NACC2: variants seen among roughly 807,000 people sequenced by gnomAD.
NACC2 encodes the protein NACC family member 2, also known as nucleus accumbens-associated protein 2.
A neutral mutation model predicts 25.1 loss-of-function variants in NACC2; 8 were observed. The ratio of observed to expected loss-of-function variants is 0.32; its 90% CI spans 0.19 to 0.57. NACC2 has a LOEUF of 0.57. NACC2 is among the 20% of genes least tolerant of loss of function. The pLI, the probability that NACC2 is intolerant of heterozygous loss-of-function variation, is 0.89. For missense variants in NACC2, 644 were observed against 650.2 expected, an observed-to-expected ratio of 0.99 and a Z score of 0.10; for synonymous variants, 435 against 294.7, an observed-to-expected ratio of 1.48 and a Z score of -4.88.
rs988855073 is a variant in NACC2, at chr9:136,016,132, G to A, written c.1051+133C>T. 3.2e-6 allele frequency: 3 copies of A among 938,078 alleles called. No homozygotes were observed. In the African/African-American group the frequency reaches 5.0e-5, roughly 16 times the overall value. The allele number at this position is 938,078 out of a possible 1,614,324, so 58.1% of individuals were successfully genotyped here. A position where few individuals can be genotyped will look rare whatever the true frequency, so the allele number is the denominator to read the frequency against. ...TCTTAATGACACATTCTTCTAAAAG[G>A]AAATTAGAGGAAATTTAAGATTTTT... is the stretch of plus-strand genomic sequence containing the variant. On this transcript the variant is annotated intron_variant, in intron 3 of 5. Coordinates refer to ENST00000277554, the MANE Select transcript of NACC2 (RefSeq NM_144653.5).
chr9:136,045,090 G>A (rs1451577653), intron 2 of NACC2, among the ~76,000 whole-genome samples: 1 of 152,234 alleles, frequency 6.6e-6, no homozygotes, highest in Non-Finnish European at 1.5e-5. Context: ...GGCTGGATGG[G>A]AGGGTCTCCT....
intron 1 of NACC2, among the ~76,000 whole-genome samples, chr9:136,054,692 G>C (rs896569866): frequency 6.6e-6 from 1 of 151,840 alleles, no homozygotes; most frequent in Admixed American, 6.6e-5. Flanking sequence ...ATTCTCCAGT[G>C]ACTCAGTTTC....
intron 2 of NACC2, among the ~76,000 whole-genome samples, chr9:136,023,790 C>T (rs1333874161): frequency 6.6e-6 from 1 of 152,246 alleles, no homozygotes; most frequent in Non-Finnish European, 1.5e-5. Flanking sequence ...CCTATCACAG[C>T]ACATGGCACG....
intron 1 of NACC2, among the ~76,000 whole-genome samples, chr9:136,052,824 G>A (rs892079749): frequency 6.6e-6 from 1 of 152,244 alleles, no homozygotes. Context: ...TGCAGCGTCT[G>A]GCTGTTATTG....
At chr9:136,033,894 G>GGTGTGTGTGTGT (rs57460855) in intron 2 of NACC2, among the ~76,000 whole-genome samples, 10 of 137,030 alleles carry the variant, frequency 7.3e-5, no homozygotes, top group East Asian at 6.4e-4. Context: ...AATTCCAGCA[G>GGTGTGTGTGTGT]GTGTGTGTGT....
intron 2 of NACC2, among the ~76,000 whole-genome samples, chr9:136,049,137 G>C (rs569806719): frequency 0.097 from 14,712 of 152,314 alleles, 784 homozygotes; most frequent in East Asian, 0.14. Flanking sequence ...AAGGAACGGA[G>C]AGGAGGGGGA....
chr9:136,092,821 C>T (rs1157223391), intron 1 of NACC2, among the ~76,000 whole-genome samples: 1 of 152,192 alleles, frequency 6.6e-6, no homozygotes, highest in Non-Finnish European at 1.5e-5. Context: ...CACCTGCTGC[C>T]CCCCTGTGGA....
chr9:136,060,302 C>G (rs1324692852), intron 1 of NACC2, among the ~76,000 whole-genome samples: 1 of 152,244 alleles, frequency 6.6e-6, no homozygotes, highest in Non-Finnish European at 1.5e-5. Context: ...GGTGGGGAGG[C>G]CTGCACTTGG....
intron 1 of NACC2, among the ~76,000 whole-genome samples, chr9:136,078,756 C>T (rs1263661972): frequency 6.6e-6 from 1 of 152,246 alleles, no homozygotes; most frequent in Non-Finnish European, 1.5e-5. Context: ...GCTGTCATCA[C>T]GAGTGTGGCA....
rs1309381458 is a variant in NACC2 at position 136,094,084 on chromosome 9, G to A, written c.-60+1105C>T. On this transcript the variant is annotated intron_variant, in intron 1 of 5. Transcript: ENST00000277554. ...CACGCGCTCCCGGAGGCAGCTCCACGGGATGGGAGTCCGGGCTGCCTTGGG... is the reference window on the plus strand; with the variant it reads ...CACGCGCTCCCGGAGGCAGCTCCACAGGATGGGAGTCCGGGCTGCCTTGGG... 2.6e-5 allele frequency among the ~76,000 whole-genome samples: 4 copies of A among 152,236 alleles called. No homozygotes were observed. In the East Asian group the frequency reaches 5.8e-4, roughly 22 times the overall value.
chr9:136,044,822 T>C (rs1840696120), intron 2 of NACC2, among the ~76,000 whole-genome samples: 1 of 152,176 alleles, frequency 6.6e-6, no homozygotes. Context: ...GGTGAGTGGC[T>C]GCAACGGAGA....
chr9:136,012,243 C>T (rs929700518), intron 5 of NACC2, among the ~76,000 whole-genome samples: 1 of 152,254 alleles, frequency 6.6e-6, no homozygotes, highest in Non-Finnish European at 1.5e-5. Flanking sequence ...CTGGAACAGT[C>T]TCTGGCCTGG....
At chr9:136,056,894 A>G (rs1840932723) in intron 1 of NACC2, among the ~76,000 whole-genome samples, 1 of 152,252 alleles carries the variant, frequency 6.6e-6, no homozygotes, top group East Asian at 1.9e-4. Context: ...GCAGTACTCC[A>G]GGACCTGCAA....
At position 136,022,180 on chromosome 9, in the gene NACC2, G is replaced by A. The variant is rs755476015; in HGVS notation, c.887-5751C>T. Among the ~76,000 whole-genome samples, 20 of 152,214 alleles carry A rather than the reference G, an allele frequency of 1.3e-4. No individual in the cohort carries two copies. Among genetic ancestry groups the A allele is most frequent in the African/African-American group, 2.7e-4 (11 of 41,438 alleles). On this transcript the variant is annotated intron_variant, in intron 2 of 5. Coordinates refer to ENST00000277554, the MANE Select transcript of NACC2 (RefSeq NM_144653.5). This position sits in a 1 kb window ranked among gnomAD's most constrained non-coding sequence, Gnocchi z 4.4. ...ACTTGTGAACTTGGTGGCATCAGGC[G>A]CAGAGCAGGTGCACAGGGACCCAGG... is the stretch of plus-strand genomic sequence containing the variant.
At chr9:136,031,360 T>TA (rs2131147541) in intron 2 of NACC2, among the ~76,000 whole-genome samples, 2 of 151,264 alleles carry the variant, frequency 1.3e-5, no homozygotes, top group South Asian at 2.1e-4. Context: ...CATTCTGAGA[T>TA]AGAGTCTTGC....
In NACC2 at chr9:136,058,368, A is replaced by G. The variant is rs574482086; in HGVS notation, c.-59-7788T>C. On this transcript the variant is annotated intron_variant, in intron 1 of 5. Transcript: ENST00000277554. Reference sequence around the variant, plus strand: ...TGCCTGGCCCAGGCCCTTCCCAGCCAGGGACCCGGGATTCCCATCCTCAGG... The same window carrying G: ...TGCCTGGCCCAGGCCCTTCCCAGCCGGGGACCCGGGATTCCCATCCTCAGG... 1.1e-4 allele frequency among the ~76,000 whole-genome samples: 14 copies of G among 126,630 alleles called. 1 individual carries two copies. In the East Asian group the frequency reaches 2.7e-3, roughly 25 times the overall value. The allele number at this position is 126,630 out of a possible 152,430, so 83.1% of individuals were successfully genotyped here.
chr9:136,085,186 G>C (rs924549276), intron 1 of NACC2, among the ~76,000 whole-genome samples: 1 of 98,194 alleles, frequency 1.0e-5, no homozygotes, highest in Non-Finnish European at 1.8e-5. Flanking sequence ...TTTCGCTCTT[G>C]TCGCCCAGGC....
chr9:136,077,661 C>T (rs182818376), intron 1 of NACC2, among the ~76,000 whole-genome samples: 3 of 152,098 alleles, frequency 2.0e-5, no homozygotes, highest in South Asian at 2.1e-4. Context: ...GGTCCCCAGG[C>T]GGTGACACCT....
chr9:136,011,344 T>C lies in NACC2; in HGVS notation c.*172A>G, dbSNP rs1214392169. The C allele has an allele frequency of 4.1e-6, 3 of 727,638 alleles. No individual in the cohort carries two copies. The African/African-American group carries it at 5.5e-5, about 13-fold the overall frequency. The allele number at this position is 727,638 out of a possible 1,614,324, so 45.1% of individuals were successfully genotyped here. On this transcript the variant is annotated 3_prime_UTR_variant, in exon 6 of 6. Transcript: ENST00000277554. ...AGTGGCCTAATTGTTTACAGTATAA[T>C]GAATGCATTTGTTTCCTTCATCAAT...
Sources: gnomAD v4.1 joint callset for allele counts (sites outside exome capture counted in the v4.1 genomes callset) on GRCh38, gnomAD v4.1.1 for gene constraint, Gnocchi (gnomAD v3.1) non-coding constraint, MANE v1.5 for transcripts, NCBI Gene and HGNC (gene_info 2026-07-23, HGNC 2026-07-21) for gene names.